SPATA6: variants seen among roughly 807,000 people sequenced by gnomAD.
SPATA6 encodes spermatogenesis-associated protein 6.
In SPATA6, 56 loss-of-function variants were observed where a neutral mutation model predicts 65.3. That is an observed-to-expected ratio of 0.86 (90% CI 0.69 to 1.07). The LOEUF (loss-of-function observed/expected upper bound fraction) is 1.07. SPATA6 is among the 50% of genes least tolerant of loss of function. The probability of loss-of-function intolerance (pLI) is 0.00; values close to 1 mark genes in which losing one functional copy is unlikely to be tolerated. For synonymous variants in SPATA6, 199 were observed against 213.2 expected (o/e 0.93, Z 0.58); for missense variants, 590 against 594.8 (o/e 0.99, Z 0.08).
chr1:48,395,345 G>A lies in SPATA6; in HGVS notation c.790C>T (p.Pro264Ser). 1.9e-6 allele frequency: 3 copies of A among 1,554,582 alleles called. No homozygotes were observed. The highest frequency in any genetic ancestry group is 2.6e-6 in the Non-Finnish European group (3 of 1,149,602). Residue 264 changes from proline (P) to serine (S), a missense_variant, in exon 8 of 13, where the codon CCA (proline) becomes TCA (serine). Physicochemically the swap from Pro to Ser is moderately conservative, Grantham distance 74. Coordinates refer to ENST00000371847, the MANE Select transcript of SPATA6 (RefSeq NM_019073.4). ...PPFVIRHVDP[P>S]SPRADTLLGS... The stretch of plus-strand genomic sequence containing the variant: ...AATAAAGTATCAGCCCTGGGACTTG[G>A]GGGATCAACCTAGAGGAAGCAGGAT...
chr1:48,408,514 A>G (rs1423599376), intron 5 of SPATA6, among the ~76,000 whole-genome samples: 2 of 152,356 alleles, frequency 1.3e-5, no homozygotes, highest in Non-Finnish European at 1.5e-5. Context: ...ACTAACAGAC[A>G]TATCAATTAT....
intron 11 of SPATA6, among the ~76,000 whole-genome samples, chr1:48,342,416 C>T (rs1646243976): frequency 6.6e-6 from 1 of 151,742 alleles, no homozygotes; most frequent in South Asian, 2.1e-4. Flanking sequence ...AAGATCGAGA[C>T]CATCCTGGCT....
Position 48,305,771 on chromosome 1 carries a change from T to C in SPATA6, c.1286+16A>G. 1.3e-6 allele frequency: 2 copies of C among 1,578,670 alleles called. No individual in the cohort carries two copies. The highest frequency in any genetic ancestry group is 8.7e-7 in the Non-Finnish European group (1 of 1,154,236). ...ATCAGAACTATGAGAAGGATATACA[T>C]ATATTTCATTCATACCTATACTCGG... On this transcript the variant is annotated intron_variant, in intron 12 of 12. Transcript: ENST00000371847.
intron 11 of SPATA6, among the ~76,000 whole-genome samples, chr1:48,338,160 A>G (rs528678123): frequency 6.6e-6 from 1 of 152,170 alleles, no homozygotes; most frequent in South Asian, 2.1e-4. Flanking sequence ...TGACTCACAT[A>G]TATACAATTG....
chr1:48,445,532 C>T (rs996444791), intron 3 of SPATA6, among the ~76,000 whole-genome samples: 41 of 151,686 alleles, frequency 2.7e-4, no homozygotes, highest in African/African-American at 9.2e-4. Context: ...TGGTGGCAGG[C>T]GCCTGTAGTC....
At chr1:48,409,101 C>T (rs1218707096) in intron 5 of SPATA6, among the ~76,000 whole-genome samples, 1 of 152,232 alleles carries the variant, frequency 6.6e-6, no homozygotes. Flanking sequence ...AAGGCAAGTG[C>T]CTTCCACTTT....
At chr1:48,293,046 G>C (rs187475144), downstream of SPATA6, among the ~76,000 whole-genome samples, 2,270 of 152,310 alleles carry the variant, frequency 0.015, 67 homozygotes, top group African/African-American at 0.052. Flanking sequence ...AAGGGTGCTG[G>C]GGTCATCTGA....
the SPATA6 span, among the ~76,000 whole-genome samples, chr1:48,276,391 G>T: frequency 5.9e-5 from 9 of 151,762 alleles, no homozygotes; most frequent in African/African-American, 1.9e-4. Context: ...GAATTTGTTT[G>T]CTCTTGGTTC....
the SPATA6 span, among the ~76,000 whole-genome samples, chr1:48,268,291 TA>T: frequency 1.4e-5 from 2 of 139,968 alleles, no homozygotes; most frequent in Non-Finnish European, 3.1e-5. Context: ...TGGGTCTACT[TA>T]AAAATAAAAA....
At chr1:48,294,048 G>A (rs1432089972), downstream of SPATA6, among the ~76,000 whole-genome samples, 4 of 152,044 alleles carry the variant, frequency 2.6e-5, no homozygotes, top group East Asian at 1.9e-4. Context: ...TCTTCGTTTC[G>A]TACATTGAAA....
chr1:48,415,968 T>G (rs776944126), intron 3 of SPATA6, among the ~76,000 whole-genome samples: 1 of 152,114 alleles, frequency 6.6e-6, no homozygotes, highest in African/African-American at 2.4e-5. Context: ...TTTTCAAGGC[T>G]GAGGAGCGTG....
chr1:48,357,864 C>T, intron 10 of SPATA6, among the ~76,000 whole-genome samples: 1 of 152,072 alleles, frequency 6.6e-6, no homozygotes, highest in East Asian at 1.9e-4. Context: ...AGCTTATCTA[C>T]CATGCCTGCC....
intron 3 of SPATA6, among the ~76,000 whole-genome samples, chr1:48,446,483 A>C (rs1448169053): frequency 6.6e-6 from 1 of 152,198 alleles, no homozygotes; most frequent in African/African-American, 2.4e-5. Context: ...TGCTGGAAAA[A>C]GTCAAATGAA....
intron 8 of SPATA6, among the ~76,000 whole-genome samples, chr1:48,387,663 C>T (rs956083500): frequency 3.3e-5 from 5 of 152,160 alleles, no homozygotes; most frequent in Non-Finnish European, 7.4e-5. Flanking sequence ...TGACTCTGCC[C>T]CTCCTCCTCC....
chr1:48,375,969 T>C (rs980999684), intron 9 of SPATA6, among the ~76,000 whole-genome samples: 3 of 152,218 alleles, frequency 2.0e-5, no homozygotes, highest in African/African-American at 7.2e-5. Context: ...ATTTATTTTT[T>C]AATCCAGATT....
the SPATA6 span, among the ~76,000 whole-genome samples, chr1:48,277,189 G>T: frequency 1.8e-4 from 28 of 151,606 alleles, no homozygotes; most frequent in Non-Finnish European, 3.8e-4. Flanking sequence ...TCTGAATTGG[G>T]AGGCTGGAGC....
rs746400286 is a variant in SPATA6, at chr1:48,385,308, C to A, written c.909+1G>T. 20 of 1,606,064 alleles carry A rather than the reference C, an allele frequency of 1.2e-5. No individual in the cohort carries two copies. Among genetic ancestry groups the A allele is most frequent in the Non-Finnish European group, 1.7e-5 (20 of 1,177,140 alleles). On this transcript the variant is annotated splice_donor_variant, in intron 9 of 12. Coordinates refer to ENST00000371847, the MANE Select transcript of SPATA6 (RefSeq NM_019073.4). LOFTEE classifies it high-confidence loss of function. ...ATTATTCTACAATTCATTCTACACA[C>A]CTTATAATCCTTGGGTCGGCAGCAG...
At chr1:48,417,770 C>A (rs1251968672) in intron 3 of SPATA6, among the ~76,000 whole-genome samples, 1 of 151,122 alleles carries the variant, frequency 6.6e-6, no homozygotes, top group Non-Finnish European at 1.5e-5. Flanking sequence ...GTTGCAGTGA[C>A]CCGAGATCTC....
At chr1:48,437,064 T>G in intron 3 of SPATA6, 2 of 1,600,560 alleles carry the variant, frequency 1.2e-6, no homozygotes, top group Non-Finnish European at 1.7e-6. Context: ...TATTGTCCCA[T>G]GTTTTCTTCA....
Sources: gnomAD v4.1 joint callset for allele counts (sites outside exome capture counted in the v4.1 genomes callset) on GRCh38, gnomAD v4.1.1 for gene constraint, MANE v1.5 for transcripts, NCBI Gene and HGNC (gene_info 2026-07-23, HGNC 2026-07-21) for gene names.